CCND2: variants seen among roughly 807,000 people sequenced by gnomAD.
The protein encoded by CCND2 is cyclin D2.
Under a neutral mutation model 30.2 loss-of-function variants are expected in CCND2, and 6 were observed. The ratio of observed to expected loss-of-function variants is 0.20; its 90% CI spans 0.11 to 0.39. The LOEUF (loss-of-function observed/expected upper bound fraction) is 0.39, where lower values mean the gene tolerates loss of function less well. Ranked by LOEUF, CCND2 falls within the 10% of genes least tolerant of loss-of-function variation. The probability of loss-of-function intolerance (pLI) is 1.00; values close to 1 mark genes in which losing one functional copy is unlikely to be tolerated. For missense variants in CCND2, 235 were observed against 373.4 expected (o/e 0.63, Z 3.06); for synonymous variants, 150 against 153.1 (o/e 0.98, Z 0.15).
rs1864296937 is a variant in CCND2 at position 4,304,994 on chromosome 12, C to CTTTTTT, written c.*4990_*4991insTTTTTT. On this transcript the variant is annotated 3_prime_UTR_variant, in exon 5 of 5. Coordinates refer to ENST00000261254, the MANE Select transcript of CCND2 (RefSeq NM_001759.4). The surrounding 1 kb of genome is among the most constrained non-coding windows in gnomAD (Gnocchi z 6.2). ...TGTCTTGGACTTTTTTTTTTCTTTT[C>CTTTTTT]TTTTTCTTTTTTTTTTTGCTTTAAA... is the stretch of plus-strand genomic sequence containing the variant. 2 of 205,210 alleles carry CTTTTTT rather than the reference C, an allele frequency of 9.7e-6. No individual in the cohort carries two copies. The highest frequency in any genetic ancestry group is 1.8e-5 in the Non-Finnish European group (2 of 110,072). The allele number at this position is 205,210 out of a possible 1,614,324, so 12.7% of individuals were successfully genotyped here.
In CCND2 at chr12:4,278,938, CGGGGAGGGAGAT is replaced by C; in HGVS notation, c.571+24_571+35del. 6.3e-7 allele frequency: 1 copy of C among 1,593,492 alleles called. No homozygotes were observed. The highest frequency in any genetic ancestry group is 1.1e-5 in the South Asian group (1 of 90,460). On this transcript the variant is annotated intron_variant, in intron 3 of 4. Transcript: ENST00000261254. Reference sequence around the variant, plus strand: ...GCCACCGGTAAGATGAGGCTTGAGCCGGGGAGGGAGATGGGGGAGCTCTTTTGGGAGATGTCC... The same window carrying C: ...GCCACCGGTAAGATGAGGCTTGAGCCGGGGGAGCTCTTTTGGGAGATGTCC...
rs1319510158 is a variant in CCND2, at chr12:4,301,356, T to TG, written c.*1347_*1348insG. ...GTGGCATTTTGTTCCCTTTTCCGTT[T>TG]TTTTTTTTTTATTGTTGTTGTTAAT... is the stretch of plus-strand genomic sequence containing the variant. On this transcript the variant is annotated 3_prime_UTR_variant, in exon 5 of 5. Coordinates refer to ENST00000261254, the MANE Select transcript of CCND2 (RefSeq NM_001759.4). The TG allele has an allele frequency of 1.3e-5, 3 of 226,230 alleles. No homozygotes were observed. The East Asian group carries it at 1.8e-4, about 14-fold the overall frequency. The allele number at this position is 226,230 out of a possible 1,614,324, so 14.0% of individuals were successfully genotyped here. A position where few individuals can be genotyped will look rare whatever the true frequency, so the allele number is the denominator to read the frequency against.
At chr12:4,278,623 GGGCC>G (rs1863905117) in intron 2 of CCND2, 133 bp from the exon 3 acceptor site, 1 of 683,238 alleles carries the variant, frequency 1.5e-6, no homozygotes, top group East Asian at 2.8e-5. Context: ...ATTGACAAAT[GGGCC>G]CGCCTTACAA....
intron 4 of CCND2, among the ~76,000 whole-genome samples, chr12:4,298,156 T>TACAAAA: frequency 6.6e-6 from 1 of 152,342 alleles, no homozygotes; most frequent in East Asian, 1.9e-4. Context: ...GTGGGGAAAC[T>TACAAAA]GAGATCAGAA....
chr12:4,302,858 A>G lies in CCND2; in HGVS notation c.*2849A>G. ...AATTCTAGGGGATTTCTGGTGGGAC[A>G]ATGGGTGGTGAATTCTGAAGTTTTG... On this transcript the variant is annotated 3_prime_UTR_variant, in exon 5 of 5. Coordinates refer to ENST00000261254, the MANE Select transcript of CCND2 (RefSeq NM_001759.4). The G allele has an allele frequency of 4.3e-6, 1 of 233,288 alleles. No individual in the cohort carries two copies. The highest frequency in any genetic ancestry group is 8.5e-6 in the Non-Finnish European group (1 of 118,080). 14.5% of individuals were successfully genotyped at this position (233,288 alleles called of 1,614,324 possible).
At chr12:4,292,824 C>T (rs1003334133) in intron 4 of CCND2, among the ~76,000 whole-genome samples, 5 of 152,152 alleles carry the variant, frequency 3.3e-5, no homozygotes, top group Non-Finnish European at 5.9e-5. Flanking sequence ...GTGCCACTGG[C>T]CTGGGTCCCC....
rs1864243872 is a variant in CCND2, at chr12:4,301,164, T to G, written c.*1155T>G. 2 of 233,446 alleles carry G rather than the reference T, an allele frequency of 8.6e-6. No individual in the cohort carries two copies. The highest frequency in any genetic ancestry group is 5.6e-5 in the Admixed American group (1 of 17,758). 14.5% of individuals were successfully genotyped at this position (233,446 alleles called of 1,614,324 possible). The stretch of plus-strand genomic sequence containing the variant: ...CTACCAGGACTCAAGAGACACCCCT[T>G]CCTGCTGACATTCCCATCACAACAT... On this transcript the variant is annotated 3_prime_UTR_variant, in exon 5 of 5. Coordinates refer to ENST00000261254, the MANE Select transcript of CCND2 (RefSeq NM_001759.4).
chr12:4,291,968 G>A lies in CCND2; in HGVS notation c.720+2978G>A, dbSNP rs531369498. On this transcript the variant is annotated intron_variant, in intron 4 of 4. Transcript: ENST00000261254. ...GTCTGGGGAGAGGAGAGGATGGGGA[G>A]TTAGTGTTTAATGCGTACGGAGTTT... 7.2e-5 allele frequency among the ~76,000 whole-genome samples: 11 copies of A among 152,278 alleles called. No homozygotes were observed. In the South Asian group the frequency reaches 1.9e-3, roughly 26 times the overall value.
chr12:4,292,309 C>T (rs1313141067), intron 4 of CCND2, among the ~76,000 whole-genome samples: 1 of 152,162 alleles, frequency 6.6e-6, no homozygotes, highest in Non-Finnish European at 1.5e-5. Context: ...GGCCCTAGTG[C>T]ATTGACAAAC....
In CCND2 at chr12:4,294,177, C is replaced by T. The variant is rs1455290106; in HGVS notation, c.720+5187C>T. ...CATGGAGGCAGAGGAGGGTGCAGGG[C>T]GCGGAGCTCGAGCCAGCAAGCAGAG... On this transcript the variant is annotated intron_variant, in intron 4 of 4. Coordinates refer to ENST00000261254, the MANE Select transcript of CCND2 (RefSeq NM_001759.4). 2.6e-5 allele frequency among the ~76,000 whole-genome samples: 4 copies of T among 151,584 alleles called. 1 individual carries two copies. The highest frequency in any genetic ancestry group is 1.3e-4 in the Admixed American group (2 of 15,216).
chr12:4,303,414 G>A lies in CCND2; in HGVS notation c.*3405G>A, dbSNP rs1245252605. 1 of 233,394 alleles carries A rather than the reference G, an allele frequency of 4.3e-6. No homozygotes were observed. Among genetic ancestry groups the A allele is most frequent in the Non-Finnish European group, 8.5e-6 (1 of 118,134 alleles). The allele number at this position is 233,394 out of a possible 1,614,324, so 14.5% of individuals were successfully genotyped here. A position where few individuals can be genotyped will look rare whatever the true frequency, so the allele number is the denominator to read the frequency against. ...ATTTGAACTTGCTCTTTTTGTTGTT[G>A]TTGTTCTTTCTCTTCTTTTTCTTAC... On this transcript the variant is annotated 3_prime_UTR_variant, in exon 5 of 5. Coordinates refer to ENST00000261254, the MANE Select transcript of CCND2 (RefSeq NM_001759.4). The surrounding 1 kb of genome is among the most constrained non-coding windows in gnomAD (Gnocchi z 4.6).
At chr12:4,277,233 G>A (rs984042021) in intron 2 of CCND2, among the ~76,000 whole-genome samples, 2 of 152,206 alleles carry the variant, frequency 1.3e-5, no homozygotes, top group Admixed American at 6.5e-5. Flanking sequence ...GGTTTGGTCC[G>A]AGAGGCCTAG....
chr12:4,296,779 G>A (rs577656624), intron 4 of CCND2, among the ~76,000 whole-genome samples: 29 of 151,774 alleles, frequency 1.9e-4, no homozygotes, highest in Admixed American at 7.2e-4. Context: ...AACATTACAC[G>A]TGAACTTCCT....
chr12:4,296,499 C>T (rs1466118936), intron 4 of CCND2, among the ~76,000 whole-genome samples: 1 of 152,274 alleles, frequency 6.6e-6, no homozygotes, highest in Non-Finnish European at 1.5e-5. Context: ...CTATTGTCTA[C>T]CACGCCTCGT....
At chr12:4,284,613 C>T (rs966735685) in intron 3 of CCND2, among the ~76,000 whole-genome samples, 4 of 152,144 alleles carry the variant, frequency 2.6e-5, no homozygotes, top group Non-Finnish European at 4.4e-5. Context: ...GTGCACTCCA[C>T]GTTCCAGCTT....
At chr12:4,281,438 G>A (rs907403035) in intron 3 of CCND2, among the ~76,000 whole-genome samples, 15 of 152,202 alleles carry the variant, frequency 9.9e-5, no homozygotes, top group African/African-American at 3.6e-4. Flanking sequence ...CCAGGACTCT[G>A]GCCAGTAGCG....
At chr12:4,288,775 C>T (rs539491492) in intron 3 of CCND2, 67 bp from the exon 4 acceptor site, 12 of 1,494,078 alleles carry the variant, frequency 8.0e-6, no homozygotes, top group East Asian at 2.4e-5. Flanking sequence ...TGAGTCTCTG[C>T]AGTCTCGGGA....
At chr12:4,275,917 A>G in intron 1 of CCND2, 88 bp from the exon 2 acceptor site, 2 of 805,048 alleles carry the variant, frequency 2.5e-6, no homozygotes, top group Non-Finnish European at 3.9e-6. Context: ...TTTTGTTTCG[A>G]TAGATTACGC....
chr12:4,276,234 C>T lies in CCND2; in HGVS notation c.411+14C>T. On this transcript the variant is annotated intron_variant, in intron 2 of 4. Coordinates refer to ENST00000261254, the MANE Select transcript of CCND2 (RefSeq NM_001759.4). This position sits in a 1 kb window ranked among gnomAD's most constrained non-coding sequence, Gnocchi z 4.8. ...CAGGAGCTGCTGGTAATGACCGGCC[C>T]CTTCCTCCCTTCCTTTCTGCGATTC... 1 of 1,600,594 alleles carries T rather than the reference C, an allele frequency of 6.2e-7. No homozygotes were observed. Among genetic ancestry groups the T allele is most frequent in the East Asian group, 2.2e-5 (1 of 44,678 alleles).
Sources: allele counts gnomAD v4.1 joint callset (sites outside exome capture counted in the v4.1 genomes callset), GRCh38; gene constraint gnomAD v4.1.1; non-coding constraint Gnocchi (gnomAD v3.1); transcripts MANE v1.5; gene names NCBI Gene and HGNC (gene_info 2026-07-23, HGNC 2026-07-21).